MEIS1: variants seen among roughly 807,000 people sequenced by gnomAD.
The protein encoded by MEIS1 is homeobox protein Meis1.
Under a neutral mutation model 50.8 loss-of-function variants are expected in MEIS1, and 5 were observed. That is an observed-to-expected ratio of 0.10 (90% CI 0.05 to 0.21). MEIS1 has a LOEUF of 0.21. Ranked by LOEUF, MEIS1 falls within the 10% of genes least tolerant of loss-of-function variation. The pLI, the probability that MEIS1 is intolerant of heterozygous loss-of-function variation, is 1.00. For missense variants in MEIS1, 318 were observed against 517.3 expected, an observed-to-expected ratio of 0.61 and a Z score of 3.74; for synonymous variants, 176 against 179.3, an observed-to-expected ratio of 0.98 and a Z score of 0.15.
chr2:66,499,960 A>G (rs532884642), intron 7 of MEIS1, among the ~76,000 whole-genome samples: 1 of 152,298 alleles, frequency 6.6e-6, no homozygotes, highest in Admixed American at 6.5e-5. Flanking sequence ...TTAAGCATTT[A>G]TATGGCTTTT....
chr2:66,550,412 C>T (rs1674890635), intron 9 of MEIS1, among the ~76,000 whole-genome samples: 1 of 152,042 alleles, frequency 6.6e-6, no homozygotes, highest in Non-Finnish European at 1.5e-5. Flanking sequence ...ATGACAATAC[C>T]ATGTTTGATT....
intron 7 of MEIS1, among the ~76,000 whole-genome samples, chr2:66,498,298 G>A (rs952052816): frequency 2.0e-5 from 3 of 152,174 alleles, no homozygotes; most frequent in Non-Finnish European, 4.4e-5. Flanking sequence ...ACTCTAAGGT[G>A]TAAGTACTAT....
intron 6 of MEIS1, among the ~76,000 whole-genome samples, chr2:66,448,376 G>C (rs1672200054): frequency 6.6e-6 from 1 of 152,000 alleles, no homozygotes; most frequent in African/African-American, 2.4e-5. Flanking sequence ...AAAAAACAAA[G>C]ACTATTTGTG....
At chr2:66,558,376 G>T (rs1675128393) in intron 9 of MEIS1, among the ~76,000 whole-genome samples, 1 of 149,978 alleles carries the variant, frequency 6.7e-6, no homozygotes. Flanking sequence ...AATGCACAAA[G>T]TTCCCTCGAA....
rs1675444297 is a variant in MEIS1, at chr2:66,569,967, G to A, written c.*37+822G>A. On this transcript the variant is annotated intron_variant, in intron 12 of 12. Coordinates refer to ENST00000272369, the MANE Select transcript of MEIS1 (RefSeq NM_002398.3). ...CTATAAAGACACTCCAGCAATTCGA[G>A]TTCAAACAAGTAAAACTGTTTTGAA... 3 of 152,202 alleles carry A rather than the reference G, an allele frequency of 2.0e-5. No homozygotes were observed. In the South Asian group the frequency reaches 6.2e-4, roughly 31 times the overall value. 9.4% of individuals were successfully genotyped at this position (152,202 alleles called of 1,614,324 possible). A position where few individuals can be genotyped will look rare whatever the true frequency, so the allele number is the denominator to read the frequency against.
At chr2:66,523,561 G>C (rs887348229) in intron 8 of MEIS1, among the ~76,000 whole-genome samples, 6 of 152,202 alleles carry the variant, frequency 3.9e-5, no homozygotes, top group Non-Finnish European at 8.8e-5. Context: ...GGAAGGTGAA[G>C]ATGATGTATT....
At chr2:66,439,778 G>A (rs1466992639) in intron 2 of MEIS1, 65 bp from the exon 3 acceptor site, 3 of 1,606,330 alleles carry the variant, frequency 1.9e-6, no homozygotes, top group Non-Finnish European at 2.6e-6. Context: ...TTTTTCTTGG[G>A]CACCTTTTTC....
chr2:66,481,850 CTTTTTT>C lies in MEIS1; in HGVS notation c.742+17648_742+17653del, dbSNP rs996753363. On this transcript the variant is annotated intron_variant, in intron 7 of 12. Transcript: ENST00000272369. The stretch of plus-strand genomic sequence containing the variant: ...TTGTGGCTCTTTAGGTCTGATATTT[CTTTTTT>C]TTTTTTTTTTTTTTTTTGAGACGGA... 5.5e-5 allele frequency among the ~76,000 whole-genome samples: 5 copies of C among 90,182 alleles called. No individual in the cohort carries two copies. In the East Asian group the frequency reaches 1.3e-3, roughly 23 times the overall value. 59.2% of individuals were successfully genotyped at this position (90,182 alleles called of 152,430 possible). A position where few individuals can be genotyped will look rare whatever the true frequency, so the allele number is the denominator to read the frequency against.
intron 7 of MEIS1, among the ~76,000 whole-genome samples, chr2:66,504,976 G>T (rs1673653525): frequency 6.6e-6 from 1 of 152,304 alleles, no homozygotes; most frequent in Middle Eastern, 3.4e-3. Context: ...ATGGATAAGA[G>T]AAGATACAAA....
intron 7 of MEIS1, among the ~76,000 whole-genome samples, chr2:66,499,783 T>C (rs1307458986): frequency 2.0e-5 from 3 of 151,752 alleles, no homozygotes; most frequent in Non-Finnish European, 4.4e-5. Context: ...ATGAACAGAA[T>C]TGTACCTTTT....
chr2:66,553,404 CTAA>C (rs544606564), intron 9 of MEIS1, among the ~76,000 whole-genome samples: 13 of 152,286 alleles, frequency 8.5e-5, no homozygotes, highest in South Asian at 2.1e-4. Context: ...AGTGTCAATT[CTAA>C]TAATATTACC....
intron 7 of MEIS1, among the ~76,000 whole-genome samples, chr2:66,465,708 A>T (rs887358381): frequency 6.6e-6 from 1 of 152,326 alleles, no homozygotes; most frequent in Middle Eastern, 3.4e-3. Flanking sequence ...GAATAGGTAG[A>T]TAGTTCAGCT....
At chr2:66,476,105 A>G (rs745487608) in intron 7 of MEIS1, among the ~76,000 whole-genome samples, 1 of 152,188 alleles carries the variant, frequency 6.6e-6, no homozygotes, top group South Asian at 2.1e-4. Flanking sequence ...ATCCCCAGGA[A>G]CAGGGTTAAT....
intron 7 of MEIS1, among the ~76,000 whole-genome samples, chr2:66,481,916 G>C (rs545144057): frequency 1.2e-4 from 18 of 144,372 alleles, no homozygotes; most frequent in Non-Finnish European, 2.2e-4. Flanking sequence ...GTGCGGTGGC[G>C]TGATCTCGGC....
intron 8 of MEIS1, among the ~76,000 whole-genome samples, chr2:66,516,396 A>G (rs1280747652): frequency 6.6e-6 from 1 of 152,072 alleles, no homozygotes; most frequent in African/African-American, 2.4e-5. Context: ...ATTTTCATTC[A>G]CACTCTCTCC....
rs1001937845 is a variant in MEIS1, at chr2:66,573,630, C to G, written c.*2422C>G. 1 of 152,198 alleles carries G rather than the reference C, an allele frequency of 6.6e-6. No homozygotes were observed. Among genetic ancestry groups the G allele is most frequent in the African/African-American group, 2.4e-5 (1 of 41,436 alleles). 9.4% of individuals were successfully genotyped at this position (152,198 alleles called of 1,614,324 possible). ...ACCTTTTGCTGATGGGGCCTTGTTT[C>G]TAAACACGTGGATGCGCAGAGAGCA... is the stretch of plus-strand genomic sequence containing the variant. On this transcript the variant is annotated 3_prime_UTR_variant, in exon 13 of 13. Transcript: ENST00000272369.
intron 7 of MEIS1, among the ~76,000 whole-genome samples, chr2:66,500,048 A>G (rs1316856865): frequency 1.3e-5 from 2 of 152,098 alleles, no homozygotes; most frequent in Non-Finnish European, 2.9e-5. Flanking sequence ...TTATACTTTT[A>G]CAAAGCTCTC....
chr2:66,550,457 C>T (rs1674891562), intron 9 of MEIS1, among the ~76,000 whole-genome samples: 1 of 145,046 alleles, frequency 6.9e-6, no homozygotes, highest in Non-Finnish European at 1.5e-5. Flanking sequence ...TTTATAGAAA[C>T]CTCTTCCTGT....
chr2:66,471,530 TGTA>T (rs1672760286), intron 7 of MEIS1, among the ~76,000 whole-genome samples: 2 of 152,230 alleles, frequency 1.3e-5, no homozygotes, highest in Non-Finnish European at 2.9e-5. Context: ...CGGTGTGACT[TGTA>T]GCACATCTAA....
Sources: gnomAD v4.1 joint callset for allele counts (sites outside exome capture counted in the v4.1 genomes callset) on GRCh38, gnomAD v4.1.1 for gene constraint, MANE v1.5 for transcripts, NCBI Gene and HGNC (gene_info 2026-07-23, HGNC 2026-07-21) for gene names.